SLC5A6: variants seen among roughly 807,000 people sequenced by gnomAD.
SLC5A6 encodes the protein solute carrier family 5 member 6.
Under a neutral mutation model 67.9 loss-of-function variants are expected in SLC5A6, and 31 were observed. The ratio of observed to expected loss-of-function variants is 0.46; its 90% confidence interval spans 0.34 to 0.62. SLC5A6 has a LOEUF of 0.62. Among genes scored for constraint, SLC5A6 ranks in the 20% least tolerant of loss-of-function variants. The pLI is 0.01. For synonymous variants in SLC5A6, 343 were observed against 331.0 expected (o/e 1.04, Z -0.39); for missense variants, 673 against 812.8 (o/e 0.83, Z 2.09).
In SLC5A6 at chr2:27,200,422, G is replaced by A. The variant is rs1310856724; in HGVS notation, c.*14C>T. 1.2e-6 allele frequency: 2 copies of A among 1,603,656 alleles called. No homozygotes were observed. Among genetic ancestry groups the A allele is most frequent in the South Asian group, 1.1e-5 (1 of 89,138 alleles). On this transcript the variant is annotated 3_prime_UTR_variant, in exon 17 of 17. Coordinates refer to ENST00000310574, the MANE Select transcript of SLC5A6 (RefSeq NM_021095.4). Reference sequence around the variant, plus strand: ...CTGGCACAGTGAGGACAGAGGCGGGGTCCTGAGTCAACATCACAGGGAGGT... The same window carrying A: ...CTGGCACAGTGAGGACAGAGGCGGGATCCTGAGTCAACATCACAGGGAGGT...
At chr2:27,203,954 C>T (rs1673848359) in intron 9 of SLC5A6, 87 bp from the exon 10 acceptor site, 2 of 937,914 alleles carry the variant, frequency 2.1e-6, no homozygotes, top group Non-Finnish European at 3.4e-6. Context: ...TTACATGTGC[C>T]CCAGCGAGTC....
intron 7 of SLC5A6, 45 bp downstream of exon 7, chr2:27,205,305 C>A: frequency 6.3e-7 from 1 of 1,584,884 alleles, no homozygotes. Flanking sequence ...ATGGGCTCAG[C>A]GCCCAGGCAC....
chr2:27,212,134 G>A lies in SLC5A6; in HGVS notation c.-322C>T, dbSNP rs535442818. On this transcript the variant is annotated 5_prime_UTR_variant, in exon 1 of 17. Coordinates refer to ENST00000310574, the MANE Select transcript of SLC5A6 (RefSeq NM_021095.4). ...GGCTCCGGGAAGCCGCGCGGCGACG[G>A]GGGAGGCCTTCACTAAAGGGGAAAA... is the stretch of plus-strand genomic sequence containing the variant. The A allele has an allele frequency of 4.0e-6, 6 of 1,516,758 alleles. No homozygotes were observed. In the South Asian group the frequency reaches 6.3e-5, roughly 16 times the overall value. 94.0% of individuals were successfully genotyped at this position (1,516,758 alleles called of 1,614,324 possible). A position where few individuals can be genotyped will look rare whatever the true frequency, so the allele number is the denominator to read the frequency against.
intron 7 of SLC5A6, 27 bp downstream of exon 7, chr2:27,205,323 C>G: frequency 6.2e-7 from 1 of 1,610,494 alleles, no homozygotes; most frequent in Non-Finnish European, 8.5e-7. Context: ...CACTGCAGAC[C>G]CCAGCCAGGA....
In SLC5A6 at chr2:27,205,942, C is replaced by T. The variant is rs954612505; in HGVS notation, c.579+84G>A. On this transcript the variant is annotated intron_variant, in intron 6 of 16. Coordinates refer to ENST00000310574, the MANE Select transcript of SLC5A6 (RefSeq NM_021095.4). Reference sequence around the variant, plus strand: ...CTATTCTCCTCATCTATATTCTCAGCTTATCTCTTCTTTTCCTTCTCTTCC... The same window carrying T: ...CTATTCTCCTCATCTATATTCTCAGTTTATCTCTTCTTTTCCTTCTCTTCC... The T allele has an allele frequency of 1.8e-5, 19 of 1,032,598 alleles. 1 individual carries two copies. The highest frequency in any genetic ancestry group is 7.7e-5 in the Admixed American group (4 of 52,012). 64.0% of individuals were successfully genotyped at this position (1,032,598 alleles called of 1,614,324 possible). A position where few individuals can be genotyped will look rare whatever the true frequency, so the allele number is the denominator to read the frequency against.
Position 27,207,341 on chromosome 2 carries a change from A to T in SLC5A6, c.310T>A (p.Cys104Ser). 1 of 1,614,194 alleles carries T rather than the reference A, an allele frequency of 6.2e-7. No individual in the cohort carries two copies. The highest frequency in any genetic ancestry group is 8.5e-7 in the Non-Finnish European group (1 of 1,180,046). Reference protein sequence around the residue: ...RFGTQYWFLGCCYFLGLLIPA... With the variant: ...RFGTQYWFLGSCYFLGLLIPA... The stretch of plus-strand genomic sequence containing the variant: ...ATCAGCAGCCCCAGAAAGTAGCAGC[A>T]GCCCAGGAACCAATATTGGGTCCCA... Residue 104 changes from cysteine to serine, a missense_variant, in exon 3 of 17, where the codon TGC becomes AGC. Transcript: ENST00000310574. This position sits in a 1 kb window ranked among gnomAD's most constrained non-coding sequence, Gnocchi z 5.5.
chr2:27,201,329 A>G lies in SLC5A6; in HGVS notation c.1648+21T>C, dbSNP rs112006254. On this transcript the variant is annotated intron_variant, in intron 15 of 16. Transcript: ENST00000310574. ...TGTTAACCCCTCGGTGCTCATCTGC[A>G]CCGCAATCCCACACCCTTACCAGTG... The G allele has an allele frequency of 1.2e-4, 177 of 1,513,926 alleles. No individual in the cohort carries two copies. In the African/African-American group the frequency reaches 1.9e-3, roughly 17 times the overall value. The allele number at this position is 1,513,926 out of a possible 1,614,324, so 93.8% of individuals were successfully genotyped here. A position where few individuals can be genotyped will look rare whatever the true frequency, so the allele number is the denominator to read the frequency against.
intron 16 of SLC5A6, 55 bp from the exon 17 acceptor site, chr2:27,200,634 G>T: frequency 6.4e-7 from 1 of 1,557,618 alleles, no homozygotes; most frequent in Non-Finnish European, 8.7e-7. Flanking sequence ...ACGGGTGCTT[G>T]ACAGGATTCA....
At chr2:27,212,275 C>G (rs564260142), upstream of SLC5A6, 138 of 1,555,112 alleles carry the variant, frequency 8.9e-5, 2 homozygotes, top group South Asian at 1.2e-4. Flanking sequence ...GACCGGGCCG[C>G]TTAGGCCACG....
In SLC5A6 at chr2:27,206,063, A is replaced by G; in HGVS notation, c.542T>C (p.Leu181Pro). ...VTGFDLWLSV[L>P]ALGIVCTVYT... Reference sequence around the variant, plus strand: ...GACGGTACAGACAATGCCCAGGGCCAGCACGGACAGCCACAGATCAAAGCC... The same window carrying G: ...GACGGTACAGACAATGCCCAGGGCCGGCACGGACAGCCACAGATCAAAGCC... Residue 181 changes from leucine (L) to proline (P), a missense_variant, in exon 6 of 17, where the codon CTG (leucine) becomes CCG (proline). Leu to Pro is a moderately conservative substitution (Grantham distance 98, BLOSUM62 -3). Transcript: ENST00000310574. 6.2e-7 allele frequency: 1 copy of G among 1,614,202 alleles called. No homozygotes were observed. The highest frequency in any genetic ancestry group is 8.5e-7 in the Non-Finnish European group (1 of 1,180,008).
intron 8 of SLC5A6, 47 bp downstream of exon 8, chr2:27,204,744 C>A (rs200510620): frequency 2.5e-6 from 4 of 1,609,906 alleles, no homozygotes; most frequent in Non-Finnish European, 3.4e-6. Flanking sequence ...TCTGGGGAAC[C>A]CCTTCCCCTA....
chr2:27,204,265 T>A (rs900417200), intron 9 of SLC5A6, among the ~76,000 whole-genome samples, 196 bp downstream of exon 9: 3 of 152,000 alleles, frequency 2.0e-5, no homozygotes, highest in African/African-American at 7.2e-5. Context: ...CCCAGTAGGA[T>A]GAGCACTGTG....
At position 27,201,247 on chromosome 2, in the gene SLC5A6, G is replaced by A. The variant is rs143492352; in HGVS notation, c.1648+103C>T. 9,088 of 967,728 alleles carry A rather than the reference G, an allele frequency of 9.4e-3. 81 individuals are homozygous for A. The highest frequency in any genetic ancestry group is 0.013 in the Non-Finnish European group (8,050 of 624,292). The allele number at this position is 967,728 out of a possible 1,614,324, so 59.9% of individuals were successfully genotyped here. The stretch of plus-strand genomic sequence containing the variant: ...CCAGCAGAAAAGCCTGACAGCTACG[G>A]ACACCCAAGAGCTCAGAGGGCAGGA... On this transcript the variant is annotated intron_variant, in intron 15 of 16. Transcript: ENST00000310574.
intron 1 of SLC5A6, 150 bp downstream of exon 1, chr2:27,211,870 T>C (rs1231654230): frequency 4.6e-6 from 1 of 218,092 alleles, no homozygotes; most frequent in South Asian, 1.0e-4. Context: ...CCGGTGCCTC[T>C]CGGCACCGGC....
Position 27,207,192 on chromosome 2 carries a change from T to C in SLC5A6, c.393+66A>G. On this transcript the variant is annotated intron_variant, in intron 3 of 16. Transcript: ENST00000310574. This position sits in a 1 kb window ranked among gnomAD's most constrained non-coding sequence, Gnocchi z 5.5. ...GGTCTAGGGTCCCAGGTCCTTCCTA[T>C]GTGCCTGTCCCTCCTCTCCACCCCA... is the stretch of plus-strand genomic sequence containing the variant. 4.5e-6 allele frequency: 7 copies of C among 1,549,268 alleles called. No homozygotes were observed. Among genetic ancestry groups the C allele is most frequent in the Non-Finnish European group, 6.2e-6 (7 of 1,133,542 alleles).
rs1673531657 is a variant in SLC5A6, at chr2:27,200,459, T to C, written c.1885A>G (p.Ile629Val). The C allele has an allele frequency of 6.2e-7, 1 of 1,613,326 alleles. No homozygotes were observed. Among genetic ancestry groups the C allele is most frequent in the African/African-American group, 1.3e-5 (1 of 74,910 alleles). The stretch of plus-strand genomic sequence containing the variant: ...CATCACAGGGAGGTCTCCTGGAGGA[T>C]GCAGGTGGAGCTGCTCCCCTGATAG... ...TAYQGSSSTC[I>V]LQETSL Residue 629 changes from isoleucine to valine, a missense_variant, in exon 17 of 17, where the codon ATC (isoleucine) becomes GTC (valine). Physicochemically the swap from Ile to Val is conservative, Grantham distance 29. Transcript: ENST00000310574.
rs1359425114 is a variant in SLC5A6 at position 27,204,544 on chromosome 2, C to G, written c.922G>C (p.Gly308Arg). ...FPFQQVSLCV[G>R]CLIGLVMFAY... ...AACATGACCAGGCCAATGAGGCAGC[C>G]CACGCAGAGGGACACCTGCTGGAAG... The change falls in exon 9 of 17, where the codon GGC (glycine) becomes CGC (arginine). Residue 308 changes from glycine to arginine, a missense_variant. By Grantham distance (125) the Gly-to-Arg change is moderately radical (BLOSUM62 -2). Transcript: ENST00000310574. The G allele has an allele frequency of 6.2e-7, 1 of 1,614,012 alleles. No homozygotes were observed. The highest frequency in any genetic ancestry group is 8.5e-7 in the Non-Finnish European group (1 of 1,179,980).
At chr2:27,201,154 C>A in intron 15 of SLC5A6, 41 bp from the exon 16 acceptor site, 1 of 1,490,006 alleles carries the variant, frequency 6.7e-7, no homozygotes, top group Non-Finnish European at 9.3e-7. Context: ...GTGGAACCAT[C>A]CACAGCAGCG....
In SLC5A6 at chr2:27,203,286, G is replaced by T. The variant is rs1355748536; in HGVS notation, c.1154C>A (p.Pro385His). The change falls in exon 11 of 17, where the codon CCT (proline) becomes CAT (histidine). Residue 385 changes from proline (P) to histidine (H), a missense_variant. Physicochemically the swap from Pro to His is moderately conservative, Grantham distance 77. Transcript: ENST00000310574. Reference sequence around the variant, plus strand: ...GGCTTCAGAGAACTCAGGGAACCAAGGTCGAATCAGGTCTTCCATCGTAAC... The same window carrying T: ...GGCTTCAGAGAACTCAGGGAACCAATGTCGAATCAGGTCTTCCATCGTAAC... ...ATVTMEDLIR[P>H]WFPEFSEARA... The T allele has an allele frequency of 1.9e-6, 3 of 1,614,008 alleles. No individual in the cohort carries two copies. The Admixed American group carries it at 5.0e-5, about 27-fold the overall frequency.
Sources: allele counts gnomAD v4.1 joint callset (sites outside exome capture counted in the v4.1 genomes callset), GRCh38; gene constraint gnomAD v4.1.1; non-coding constraint Gnocchi (gnomAD v3.1); transcripts MANE v1.5; gene names NCBI Gene and HGNC (gene_info 2026-07-23, HGNC 2026-07-21).